Variants in BRI3BP observed in about 807,000 individuals in gnomAD.
BRI3BP encodes BRI3-binding protein.
In BRI3BP, 7 loss-of-function variants were observed where a neutral mutation model predicts 15.8. The observed-to-expected ratio is 0.44, with a 90% confidence interval of 0.25 to 0.83. BRI3BP has a LOEUF of 0.83. Among genes scored for constraint, BRI3BP ranks in the 40% least tolerant of loss-of-function variants. BRI3BP has a pLI of 0.20. For missense variants in BRI3BP, 320 were observed against 339.3 expected (o/e 0.94, Z 0.45); for synonymous variants, 192 against 163.5 (o/e 1.17, Z -1.33).
chr12:124,994,230 G>C (rs549368838), intron 1 of BRI3BP, among the ~76,000 whole-genome samples: 3 of 152,094 alleles, frequency 2.0e-5, no homozygotes, highest in South Asian at 4.1e-4. Context: ...TCTGCGCCGC[G>C]CTTCTCCTTG....
At chr12:125,042,024 G>A in the BRI3BP span, among the ~76,000 whole-genome samples, 126 of 151,182 alleles carry the variant, frequency 8.3e-4, 1 homozygote, top group East Asian at 0.023. Flanking sequence ...AACACAAATA[G>A]CATCTACACT....
rs533785857 is a variant in BRI3BP, at chr12:125,004,211, C to T, written c.214-8323C>T. Among the ~76,000 whole-genome samples the T allele has an allele frequency of 1.6e-3, 245 of 152,216 alleles. 4 individuals carry two copies. The highest frequency in any genetic ancestry group is 9.5e-3 in the South Asian group (46 of 4,830). On this transcript the variant is annotated intron_variant, in intron 1 of 2. Transcript: ENST00000341446. ...TTTTTGAGACAAGGTCTTGCTTTGT[C>T]ACCCAGACTGGAGTGCAGTGGCACG...
At chr12:125,048,293 A>G in the BRI3BP span, among the ~76,000 whole-genome samples, 3 of 152,196 alleles carry the variant, frequency 2.0e-5, no homozygotes, top group South Asian at 4.2e-4. Context: ...ACTAGTCACC[A>G]TGTGTGTTCC....
rs560513350 is a variant in BRI3BP at position 125,007,791 on chromosome 12, C to T, written c.214-4743C>T. 1.4e-4 allele frequency among the ~76,000 whole-genome samples: 21 copies of T among 151,710 alleles called. No individual in the cohort carries two copies. The East Asian group carries it at 2.1e-3, about 15-fold the overall frequency. On this transcript the variant is annotated intron_variant, in intron 1 of 2. Coordinates refer to ENST00000341446, the MANE Select transcript of BRI3BP (RefSeq NM_080626.6). ...ATTATTATTATTTTCTGCTATTTCT[C>T]GATGTTGCTGGATATGTCCATCGTT...
At chr12:125,016,040 G>A (rs1393690537) in intron 2 of BRI3BP, among the ~76,000 whole-genome samples, 4 of 152,288 alleles carry the variant, frequency 2.6e-5, no homozygotes, top group South Asian at 2.1e-4. Context: ...AAACTACAGA[G>A]TAGGAACAGC....
chr12:125,014,397 C>T (rs1267567774), intron 2 of BRI3BP, among the ~76,000 whole-genome samples: 1 of 152,186 alleles, frequency 6.6e-6, no homozygotes, highest in Non-Finnish European at 1.5e-5. Flanking sequence ...CCTAGGAGCA[C>T]TGGCAGGACT....
Position 125,028,590 on chromosome 12 carries a change from G to T in BRI3BP, c.*3160G>T, listed in dbSNP as rs900319844. On this transcript the variant is annotated 3_prime_UTR_variant, in exon 3 of 3. Coordinates refer to ENST00000341446, the MANE Select transcript of BRI3BP (RefSeq NM_080626.6). Reference sequence around the variant, plus strand: ...AAAGATGTCTTCATTTTTAATGAAAGAACCTACAGTTAGTAGGTGTCACCT... The same window carrying T: ...AAAGATGTCTTCATTTTTAATGAAATAACCTACAGTTAGTAGGTGTCACCT... The T allele has an allele frequency of 3.3e-5, 5 of 152,088 alleles. No individual in the cohort carries two copies. Among genetic ancestry groups the T allele is most frequent in the Non-Finnish European group, 7.4e-5 (5 of 68,014 alleles). The allele number at this position is 152,088 out of a possible 1,614,324, so 9.4% of individuals were successfully genotyped here.
chr12:124,996,621 C>T (rs1355032815), intron 1 of BRI3BP, among the ~76,000 whole-genome samples: 1 of 152,150 alleles, frequency 6.6e-6, no homozygotes, highest in Non-Finnish European at 1.5e-5. Flanking sequence ...CCACCGTGCC[C>T]AGCCTGTTTT....
At chr12:124,997,517 A>G (rs546473140) in intron 1 of BRI3BP, among the ~76,000 whole-genome samples, 20 of 151,764 alleles carry the variant, frequency 1.3e-4, no homozygotes, top group African/African-American at 4.1e-4. Context: ...TGCACCACCC[A>G]GTTGCTTTAC....
Position 124,993,890 on chromosome 12 carries a change from G to A in BRI3BP, c.100G>A (p.Gly34Arg). 1 of 1,253,002 alleles carries A rather than the reference G, an allele frequency of 8.0e-7. No individual in the cohort carries two copies. Among genetic ancestry groups the A allele is most frequent in the Non-Finnish European group, 1.0e-6 (1 of 992,822 alleles). The allele number at this position is 1,253,002 out of a possible 1,614,324, so 77.6% of individuals were successfully genotyped here. ...LLGLLAPGAQ[G>R]ARGRGGAEKN... Reference sequence around the variant, plus strand: ...CGGGCTGCTGGCCCCGGGCGCGCAGGGGGCGCGGGGCCGCGGCGGCGCGGA... The same window carrying A: ...CGGGCTGCTGGCCCCGGGCGCGCAGAGGGCGCGGGGCCGCGGCGGCGCGGA... Residue 34 changes from glycine to arginine, a missense_variant, in exon 1 of 3, where the codon GGG becomes AGG. By Grantham distance (125) the Gly-to-Arg change is moderately radical (BLOSUM62 -2). Transcript: ENST00000341446.
chr12:125,012,788 CAT>C, intron 2 of BRI3BP, 152 bp downstream of exon 2: 1 of 608,438 alleles, frequency 1.6e-6, no homozygotes, highest in Non-Finnish European at 3.0e-6. Flanking sequence ...TTAATAGTCT[CAT>C]ATATAGGCCA....
chr12:125,022,051 GCCTGGGTGACAGAAAAAGAC>G (rs1955303382), intron 2 of BRI3BP, among the ~76,000 whole-genome samples: 1 of 146,982 alleles, frequency 6.8e-6, no homozygotes, highest in Non-Finnish European at 1.5e-5. Context: ...TCACACTCCA[GCCTGGGTGACAGAAAAAGAC>G]CCTGTCTTAA....
Position 125,031,088 on chromosome 12 carries a change from T to C in BRI3BP, c.*5658T>C, listed in dbSNP as rs1463753156. On this transcript the variant is annotated 3_prime_UTR_variant, in exon 3 of 3. Transcript: ENST00000341446. ...CGATATATACATTCCTCTTATTTAT[T>C]AAATCACTGGCTTTGGTGTTATGTA... 1.3e-5 allele frequency: 2 copies of C among 152,238 alleles called. No individual in the cohort carries two copies. The highest frequency in any genetic ancestry group is 2.4e-5 in the African/African-American group (1 of 41,474). 9.4% of individuals were successfully genotyped at this position (152,238 alleles called of 1,614,324 possible). A position where few individuals can be genotyped will look rare whatever the true frequency, so the allele number is the denominator to read the frequency against.
In BRI3BP at chr12:125,026,474, A is replaced by ATG; in HGVS notation, c.*1045_*1046insGT. Reference sequence around the variant, plus strand: ...AAAGATCTGAATTCTTTTTCCTGAAATATTTACGATACACAGGTGCTTTTT... The same window carrying ATG: ...AAAGATCTGAATTCTTTTTCCTGAAATGTATTTACGATACACAGGTGCTTTTT... On this transcript the variant is annotated 3_prime_UTR_variant, in exon 3 of 3. Coordinates refer to ENST00000341446, the MANE Select transcript of BRI3BP (RefSeq NM_080626.6). 6.6e-6 allele frequency: 1 copy of ATG among 152,096 alleles called. No homozygotes were observed. The highest frequency in any genetic ancestry group is 2.4e-5 in the African/African-American group (1 of 41,400). 9.4% of individuals were successfully genotyped at this position (152,096 alleles called of 1,614,324 possible).
In BRI3BP at chr12:124,993,979, G is replaced by A. The variant is rs765602251; in HGVS notation, c.189G>A (p.Glu63=). Residue 63 remains glutamate, a synonymous_variant, in exon 1 of 3, where the codon GAG becomes GAA. Transcript: ENST00000341446. ...AGAGCGTCAGCAGCCTGTTCGGCGA[G>A]GACAACGTGCGCGCCGCTCAGAAGG... ...FSQSVSSLFG[E]DNVRAAQKFL... is the part of the protein sequence containing the mutation. 25 of 1,358,324 alleles carry A rather than the reference G, an allele frequency of 1.8e-5. No homozygotes were observed. Among genetic ancestry groups the A allele is most frequent in the Non-Finnish European group, 2.4e-5 (25 of 1,039,924 alleles). 84.1% of individuals were successfully genotyped at this position (1,358,324 alleles called of 1,614,324 possible).
At chr12:125,008,342 T>C (rs1955166315) in intron 1 of BRI3BP, among the ~76,000 whole-genome samples, 1 of 139,106 alleles carries the variant, frequency 7.2e-6, no homozygotes, top group African/African-American at 2.7e-5. Flanking sequence ...AGACAGAGTC[T>C]CGCTCTGTCG....
Position 125,025,043 on chromosome 12 carries a change from C to A in BRI3BP, c.369C>A (p.Ala123=). Residue 123 remains alanine (A), a synonymous_variant, in exon 3 of 3, where the codon GCC becomes GCA. Transcript: ENST00000341446. ...CAGCCTCGGTGTCCAGCAGCCCGGC[C>A]CGCGCGCTCCTGCTGGTCGGCGTCG... The part of the protein sequence containing the change: ...FSPASVSSSP[A]RALLLVGVVL... 2 of 1,613,456 alleles carry A rather than the reference C, an allele frequency of 1.2e-6. No homozygotes were observed. Among genetic ancestry groups the A allele is most frequent in the African/African-American group, 2.7e-5 (2 of 75,028 alleles).
At chr12:125,034,941 C>G (rs978121018), downstream of BRI3BP, among the ~76,000 whole-genome samples, 1 of 152,108 alleles carries the variant, frequency 6.6e-6, no homozygotes, top group Non-Finnish European at 1.5e-5. Flanking sequence ...GCATGTGTCT[C>G]CCCATGCCCA....
At chr12:125,022,541 A>ATTTATTTTTATTTTTTTTTT in intron 2 of BRI3BP, among the ~76,000 whole-genome samples, 3 of 139,402 alleles carry the variant, frequency 2.2e-5, no homozygotes, top group South Asian at 2.2e-4. Flanking sequence ...TTATTTATTT[A>ATTTATTTTTATTTTTTTTTT]TTTTTTGAGA....
Sources: allele counts gnomAD v4.1 joint callset (sites outside exome capture counted in the v4.1 genomes callset), GRCh38; gene constraint gnomAD v4.1.1; transcripts MANE v1.5; gene names NCBI Gene and HGNC (gene_info 2026-07-23, HGNC 2026-07-21).